The following CADM2 variants were observed in gnomAD, a reference collection of about 807,000 sequenced individuals.
CADM2 encodes the protein cell adhesion molecule 2, also known as immunoglobulin superfamily member 4D.
In CADM2, 12 loss-of-function variants were observed where a neutral mutation model predicts 49.8. The ratio of observed to expected loss-of-function variants is 0.24; its 90% CI spans 0.15 to 0.39. CADM2 has a LOEUF of 0.39. CADM2 is among the 10% of genes least tolerant of loss of function. The probability of loss-of-function intolerance (pLI) is 1.00; values close to 1 mark genes in which losing one functional copy is unlikely to be tolerated. For missense variants in CADM2, 378 were observed against 492.3 expected, an observed-to-expected ratio of 0.77 and a Z score of 2.20; for synonymous variants, 214 against 175.4, an observed-to-expected ratio of 1.22 and a Z score of -1.74.
intron 3 of CADM2, among the ~76,000 whole-genome samples, chr3:85,841,302 T>G (rs574804849): frequency 6.6e-6 from 1 of 151,942 alleles, no homozygotes; most frequent in East Asian, 1.9e-4. Context: ...AGAGGAGTAG[T>G]GTAATATAAG....
chr3:85,289,623 A>C (rs2043725711), intron 1 of CADM2, among the ~76,000 whole-genome samples: 1 of 152,150 alleles, frequency 6.6e-6, no homozygotes, highest in African/African-American at 2.4e-5. Flanking sequence ...GTGTCTACAG[A>C]CTTCAGGTGA....
intron 3 of CADM2, among the ~76,000 whole-genome samples, chr3:85,842,067 C>G (rs895198000): frequency 2.0e-5 from 3 of 152,064 alleles, no homozygotes; most frequent in Admixed American, 1.3e-4. Context: ...TGCTTTAATG[C>G]ATAAATTTTC....
At chr3:85,223,527 A>G (rs2042085547) in intron 1 of CADM2, among the ~76,000 whole-genome samples, 2 of 152,194 alleles carry the variant, frequency 1.3e-5, no homozygotes, top group South Asian at 4.1e-4. Flanking sequence ...AGGACATTAC[A>G]ATGGGGATAG....
intron 8 of CADM2, among the ~76,000 whole-genome samples, chr3:85,972,373 A>G (rs985493100): frequency 6.6e-6 from 1 of 151,762 alleles, no homozygotes; most frequent in Non-Finnish European, 1.5e-5. Context: ...TTCTAATGAT[A>G]TACCTCAAGT....
At chr3:85,674,250 G>A (rs1354418584) in intron 1 of CADM2, among the ~76,000 whole-genome samples, 2 of 152,114 alleles carry the variant, frequency 1.3e-5, no homozygotes. Context: ...TGATCAATAT[G>A]ATAAGGAAAC....
chr3:85,380,120 T>C (rs1019248428), intron 1 of CADM2, among the ~76,000 whole-genome samples: 2 of 152,020 alleles, frequency 1.3e-5, no homozygotes, highest in Non-Finnish European at 2.9e-5. Context: ...TGCATATTAA[T>C]ATAGATTATT....
intron 1 of CADM2, among the ~76,000 whole-genome samples, chr3:85,670,140 C>T (rs868735441): frequency 3.3e-5 from 5 of 151,992 alleles, no homozygotes; most frequent in East Asian, 1.9e-4. Context: ...GTGGTCCCAG[C>T]GGAAAAGAAA....
chr3:85,180,721 A>G (rs2107703753), intron 1 of CADM2, among the ~76,000 whole-genome samples: 1 of 152,238 alleles, frequency 6.6e-6, no homozygotes, highest in African/African-American at 2.4e-5. Context: ...ATATCAAAAT[A>G]TAGGAATGGA....
chr3:85,033,937 A>G (rs993603399), intron 1 of CADM2, among the ~76,000 whole-genome samples: 2 of 152,170 alleles, frequency 1.3e-5, no homozygotes, highest in South Asian at 2.1e-4. Context: ...ATATGCTAAT[A>G]TTGGTATTTC....
chr3:85,652,406 C>T (rs913272831), intron 1 of CADM2, among the ~76,000 whole-genome samples: 1 of 152,134 alleles, frequency 6.6e-6, no homozygotes, highest in Non-Finnish European at 1.5e-5. Flanking sequence ...TCTAGGCTCA[C>T]CTTAGCTGGG....
chr3:86,023,368 GTTTGT>G (rs10588840), intron 8 of CADM2, among the ~76,000 whole-genome samples: 69,922 of 123,720 alleles, frequency 0.57, 16,745 homozygotes, highest in African/African-American at 0.7. Context: ...TTGTTTGTTT[GTTTGT>G]TTTGTTTTGT....
intron 1 of CADM2, among the ~76,000 whole-genome samples, chr3:85,340,908 T>A (rs2107192041): frequency 6.6e-6 from 1 of 151,864 alleles, no homozygotes; most frequent in Non-Finnish European, 1.5e-5. Context: ...TCATTCCGTA[T>A]ATACTCTTCA....
chr3:85,292,086 GGAGGAA>G (rs2043815423), intron 1 of CADM2, among the ~76,000 whole-genome samples: 1 of 149,816 alleles, frequency 6.7e-6, no homozygotes, highest in Non-Finnish European at 1.5e-5. Context: ...ATAAAAGGAT[GGAGGAA>G]GATCTACCAA....
intron 8 of CADM2, among the ~76,000 whole-genome samples, chr3:86,032,437 T>C (rs1734666500): frequency 6.6e-6 from 1 of 151,884 alleles, no homozygotes. Context: ...TACCAATTTC[T>C]GTAATAAAAT....
chr3:85,708,401 C>A (rs1432824000), intron 1 of CADM2, among the ~76,000 whole-genome samples: 8 of 152,210 alleles, frequency 5.3e-5, no homozygotes, highest in Admixed American at 2.6e-4. Context: ...ATAAAACCCA[C>A]TGTAACTAAC....
At chr3:85,603,861 G>T (rs73141536) in intron 1 of CADM2, among the ~76,000 whole-genome samples, 32,640 of 151,776 alleles carry the variant, frequency 0.22, 4,400 homozygotes, top group Non-Finnish European at 0.29. Flanking sequence ...AACCTGTTTT[G>T]CTAACTTCTT....
At chr3:85,350,104 A>G (rs1378799880) in intron 1 of CADM2, among the ~76,000 whole-genome samples, 1 of 152,208 alleles carries the variant, frequency 6.6e-6, no homozygotes, top group East Asian at 1.9e-4. Flanking sequence ...ACGAGGACAG[A>G]GGAATAGCGC....
At chr3:85,036,001 T>C (rs1432083051) in intron 1 of CADM2, among the ~76,000 whole-genome samples, 1 of 152,242 alleles carries the variant, frequency 6.6e-6, no homozygotes, top group African/African-American at 2.4e-5. Flanking sequence ...TTCATAGTTA[T>C]TATCCATTAC....
At chr3:85,842,550 C>G (rs1049616747) in intron 3 of CADM2, among the ~76,000 whole-genome samples, 6 of 152,052 alleles carry the variant, frequency 3.9e-5, no homozygotes, top group Non-Finnish European at 8.8e-5. Flanking sequence ...AAATTCATCT[C>G]AAATCTAAAC....
Sources: gnomAD v4.1 joint callset for allele counts (sites outside exome capture counted in the v4.1 genomes callset) on GRCh38, gnomAD v4.1.1 for gene constraint, MANE v1.5 for transcripts, NCBI Gene and HGNC (gene_info 2026-07-23, HGNC 2026-07-21) for gene names.